The following CAMK4 variants were observed in gnomAD, a reference collection of about 807,000 sequenced individuals.
CAMK4 encodes the protein calcium/calmodulin-dependent protein kinase type IV.
A neutral mutation model predicts 44.9 loss-of-function variants in CAMK4; 22 were observed. The ratio of observed to expected loss-of-function variants is 0.49; its 90% CI spans 0.35 to 0.70. The LOEUF (loss-of-function observed/expected upper bound fraction) is 0.70, where lower values mean the gene tolerates loss of function less well. CAMK4 is among the 30% of genes least tolerant of loss of function. CAMK4 has a pLI of 0.01. For missense variants in CAMK4, 498 were observed against 586.8 expected (o/e 0.85, Z 1.56); for synonymous variants, 218 against 215.4 (o/e 1.01, Z -0.11).
At chr5:111,324,298 A>G (rs1251626627) in intron 1 of CAMK4, among the ~76,000 whole-genome samples, 3 of 151,982 alleles carry the variant, frequency 2.0e-5, no homozygotes, top group Non-Finnish European at 2.9e-5. Flanking sequence ...AAGATTATCT[A>G]TAGGAGATGC....
chr5:111,433,569 C>T (rs974143244), intron 5 of CAMK4, among the ~76,000 whole-genome samples: 1 of 152,162 alleles, frequency 6.6e-6, no homozygotes, highest in Non-Finnish European at 1.5e-5. Context: ...TACAATCCTA[C>T]CCAGAACGAA....
At chr5:111,413,575 TCA>T (rs1491328617) in intron 5 of CAMK4, among the ~76,000 whole-genome samples, 1 of 104,212 alleles carries the variant, frequency 9.6e-6, no homozygotes, top group South Asian at 3.3e-4. Flanking sequence ...ACACTCCATC[TCA>T]AAAAAAAAAA....
At chr5:111,453,724 G>T (rs746489362) in intron 7 of CAMK4, among the ~76,000 whole-genome samples, 3 of 152,244 alleles carry the variant, frequency 2.0e-5, no homozygotes, top group Non-Finnish European at 4.4e-5. Context: ...ACGCAGGAAA[G>T]AAGACACCAG....
At chr5:111,392,205 G>C (rs1452874493) in intron 4 of CAMK4, among the ~76,000 whole-genome samples, 1 of 152,156 alleles carries the variant, frequency 6.6e-6, no homozygotes, top group Non-Finnish European at 1.5e-5. Context: ...TTGACCCCCA[G>C]TTCTGCATGG....
At chr5:111,305,126 C>G (rs369650161) in intron 1 of CAMK4, among the ~76,000 whole-genome samples, 304 of 117,806 alleles carry the variant, frequency 2.6e-3, no homozygotes, top group Admixed American at 9.3e-3. Flanking sequence ...TAGCACTAAA[C>G]GCCTACAAGA....
chr5:111,366,830 C>G (rs531902686), intron 2 of CAMK4, among the ~76,000 whole-genome samples: 1 of 151,942 alleles, frequency 6.6e-6, no homozygotes, highest in East Asian at 1.9e-4. Context: ...CTATAAAAAC[C>G]TGTATAATTT....
intron 1 of CAMK4, among the ~76,000 whole-genome samples, chr5:111,248,836 T>C (rs1041381386): frequency 2.0e-5 from 3 of 152,098 alleles, no homozygotes; most frequent in African/African-American, 7.2e-5. Context: ...CAAATCATGT[T>C]GTGGTTAGAT....
chr5:111,374,382 T>C (rs1039914864), intron 2 of CAMK4, among the ~76,000 whole-genome samples: 4 of 152,122 alleles, frequency 2.6e-5, no homozygotes, highest in African/African-American at 9.7e-5. Flanking sequence ...TTGGGTCTGG[T>C]GAATATTCCT....
intron 7 of CAMK4, among the ~76,000 whole-genome samples, chr5:111,460,127 C>G (rs1367670950): frequency 2.0e-5 from 3 of 151,808 alleles, no homozygotes; most frequent in Non-Finnish European, 2.9e-5. Context: ...AAATGTTCCA[C>G]TTTAAAATGT....
At chr5:111,473,155 G>A (rs1232369394) in intron 7 of CAMK4, among the ~76,000 whole-genome samples, 156 bp from the exon 8 acceptor site, 2 of 152,174 alleles carry the variant, frequency 1.3e-5, no homozygotes, top group East Asian at 1.9e-4. Flanking sequence ...ATAGACATAA[G>A]TATTTATAGC....
intron 5 of CAMK4, among the ~76,000 whole-genome samples, chr5:111,425,987 A>T (rs903178387): frequency 9.2e-5 from 14 of 152,202 alleles, no homozygotes; most frequent in African/African-American, 3.1e-4. Flanking sequence ...CAAGTTCATG[A>T]CAGAACATTT....
rs374614842 is a variant in CAMK4 at position 111,245,439 on chromosome 5, A to G, written c.161+20795A>G. 4.9e-4 allele frequency among the ~76,000 whole-genome samples: 75 copies of G among 152,322 alleles called. 1 individual carries two copies. The South Asian group carries it at 0.015, about 31-fold the overall frequency. On this transcript the variant is annotated intron_variant, in intron 1 of 10. Coordinates refer to ENST00000282356, the MANE Select transcript of CAMK4 (RefSeq NM_001744.6). ...AGTGTTGTCTTTTATTCACATGCCT[A>G]TATCTAAGCTTGCACTGAAAAATGT...
chr5:111,260,406 A>T (rs1457505549), intron 1 of CAMK4, among the ~76,000 whole-genome samples: 1 of 152,102 alleles, frequency 6.6e-6, no homozygotes, highest in Non-Finnish European at 1.5e-5. Context: ...TGCATACCTC[A>T]TTGATCCTCC....
chr5:111,313,284 TA>T (rs1748286624), intron 1 of CAMK4, among the ~76,000 whole-genome samples: 1 of 152,170 alleles, frequency 6.6e-6, no homozygotes, highest in Non-Finnish European at 1.5e-5. Flanking sequence ...ATGGAGCAGC[TA>T]AGCTGAATGT....
At chr5:111,392,029 A>G (rs886413349) in intron 4 of CAMK4, among the ~76,000 whole-genome samples, 1 of 128,174 alleles carries the variant, frequency 7.8e-6, no homozygotes, top group African/African-American at 3.0e-5. Flanking sequence ...AGCAATCAAG[A>G]AGTTTATCTT....
rs560081041 is a variant in CAMK4, at chr5:111,399,984, TAA to T, written c.459+5205_459+5206del. Among the ~76,000 whole-genome samples the T allele has an allele frequency of 3.6e-3, 542 of 152,164 alleles. 2 individuals are homozygous for T. Among genetic ancestry groups the T allele is most frequent in the African/African-American group, 0.012 (517 of 41,516 alleles). On this transcript the variant is annotated intron_variant, in intron 5 of 10. Coordinates refer to ENST00000282356, the MANE Select transcript of CAMK4 (RefSeq NM_001744.6). ...TGTTGGAGTTATACCAGTTAAGAAA[TAA>T]AAGAGTCCAAGAAGGGATGTTCCAG...
chr5:111,224,338 C>G (rs1748053191), upstream of CAMK4: 3 of 1,190,000 alleles, frequency 2.5e-6, no homozygotes, highest in Admixed American at 4.4e-5. This position sits in a 1 kb window ranked among gnomAD's most constrained non-coding sequence, Gnocchi z 5.7. Flanking sequence ...TCCCTGCGAG[C>G]GCGGGCGGCG....
chr5:111,331,088 C>G (rs1580603889), intron 1 of CAMK4, among the ~76,000 whole-genome samples: 1 of 151,658 alleles, frequency 6.6e-6, no homozygotes, highest in Middle Eastern at 3.4e-3. Context: ...CAAAAAAGCA[C>G]TCACTGTAAA....
chr5:111,292,138 A>G (rs394140), intron 1 of CAMK4, among the ~76,000 whole-genome samples: 144,358 of 152,282 alleles, frequency 0.95, 68,511 homozygotes, highest in East Asian at 1. Flanking sequence ...TGGTAACACT[A>G]GGTTGGCATA....
Sources: allele counts gnomAD v4.1 joint callset (sites outside exome capture counted in the v4.1 genomes callset), GRCh38; gene constraint gnomAD v4.1.1; non-coding constraint Gnocchi (gnomAD v3.1); transcripts MANE v1.5; gene names NCBI Gene and HGNC (gene_info 2026-07-23, HGNC 2026-07-21).